The following DIAPH3 variants were observed in gnomAD, a reference collection of about 807,000 sequenced individuals.
DIAPH3 encodes protein diaphanous homolog 3.
In DIAPH3, 117 loss-of-function variants were observed where a neutral mutation model predicts 144.3. That is an observed-to-expected ratio of 0.81 (90% CI 0.70 to 0.95). The LOEUF is 0.95. Among genes scored for constraint, DIAPH3 ranks in the 40% least tolerant of loss-of-function variants. The pLI is 0.00. For missense variants in DIAPH3, 1,421 were observed against 1,412.7 expected, an observed-to-expected ratio of 1.01 and a Z score of -0.09; for synonymous variants, 519 against 488.9, an observed-to-expected ratio of 1.06 and a Z score of -0.81.
chr13:59,912,459 T>G (rs2047041512), intron 19 of DIAPH3, among the ~76,000 whole-genome samples: 1 of 152,176 alleles, frequency 6.6e-6, no homozygotes, highest in East Asian at 1.9e-4. Context: ...ATAAAAGGCA[T>G]GTAGAGGTCC....
intron 4 of DIAPH3, among the ~76,000 whole-genome samples, chr13:60,058,619 C>T (rs2056645717): frequency 6.6e-6 from 1 of 151,928 alleles, no homozygotes; most frequent in South Asian, 2.1e-4. Context: ...AACCTAACTG[C>T]CCACCAACTG....
chr13:60,062,982 C>G (rs2056827920), intron 4 of DIAPH3, among the ~76,000 whole-genome samples: 1 of 152,156 alleles, frequency 6.6e-6, no homozygotes, highest in Non-Finnish European at 1.5e-5. Flanking sequence ...TTCTTAAAAT[C>G]AGACAACAAT....
intron 4 of DIAPH3, among the ~76,000 whole-genome samples, chr13:60,045,796 T>A (rs2056030382): frequency 6.6e-6 from 1 of 152,200 alleles, no homozygotes; most frequent in Non-Finnish European, 1.5e-5. Context: ...GATTTTTTTC[T>A]TCAACAATAA....
At chr13:60,082,201 A>G (rs1467963869) in intron 4 of DIAPH3, among the ~76,000 whole-genome samples, 1 of 152,016 alleles carries the variant, frequency 6.6e-6, no homozygotes, top group Non-Finnish European at 1.5e-5. Context: ...AAGGAACACA[A>G]GAATAAACAT....
At chr13:59,994,661 C>T (rs1006717718) in intron 9 of DIAPH3, among the ~76,000 whole-genome samples, 2 of 151,636 alleles carry the variant, frequency 1.3e-5, no homozygotes, top group African/African-American at 4.8e-5. Flanking sequence ...AATAAAATGG[C>T]CTGATGAAGA....
chr13:60,114,742 G>A (rs2058660569), intron 2 of DIAPH3, among the ~76,000 whole-genome samples: 1 of 151,048 alleles, frequency 6.6e-6, no homozygotes, highest in South Asian at 2.1e-4. Flanking sequence ...AAAATAAACA[G>A]CAAACCATAA....
intron 4 of DIAPH3, among the ~76,000 whole-genome samples, chr13:60,078,855 A>G (rs983091483): frequency 2.6e-5 from 4 of 152,010 alleles, no homozygotes; most frequent in African/African-American, 4.8e-5. Flanking sequence ...AAATTTTTGG[A>G]TACTACTAGA....
intron 25 of DIAPH3, among the ~76,000 whole-genome samples, chr13:59,780,838 A>G (rs147761166): frequency 6.6e-6 from 1 of 152,328 alleles, no homozygotes; most frequent in East Asian, 1.9e-4. Flanking sequence ...TGTTAATGGA[A>G]GGTGCTAGCA....
rs562372254 is a variant in DIAPH3 at position 59,929,460 on chromosome 13, A to G, written c.2075-4590T>C. On this transcript the variant is annotated intron_variant, in intron 17 of 27. Transcript: ENST00000400324. ...TACATTATTCTCTGTGCTACTGTTA[A>G]CACTGCTATCACCCTGTCTTAAGTA... Among the ~76,000 whole-genome samples the G allele has an allele frequency of 8.8e-5, 9 of 102,450 alleles. No individual in the cohort carries two copies. The South Asian group carries it at 2.7e-3, about 31-fold the overall frequency. 67.2% of individuals were successfully genotyped at this position (102,450 alleles called of 152,430 possible). A position where few individuals can be genotyped will look rare whatever the true frequency, so the allele number is the denominator to read the frequency against.
intron 17 of DIAPH3, among the ~76,000 whole-genome samples, chr13:59,968,548 G>A (rs1022275416): frequency 6.6e-6 from 1 of 152,132 alleles, no homozygotes; most frequent in African/African-American, 2.4e-5. Context: ...TGAGCTTGCT[G>A]AGAAAATTCT....
chr13:59,976,654 T>C (rs1446181855), intron 14 of DIAPH3, among the ~76,000 whole-genome samples: 1 of 151,760 alleles, frequency 6.6e-6, no homozygotes, highest in African/African-American at 2.4e-5. Context: ...TATGGGTTTC[T>C]ACAAAATCCA....
At chr13:59,842,037 T>C (rs1464691101) in intron 22 of DIAPH3, among the ~76,000 whole-genome samples, 2 of 152,094 alleles carry the variant, frequency 1.3e-5, no homozygotes, top group African/African-American at 4.8e-5. Context: ...ATAACCCCTG[T>C]CAGTAACATT....
At chr13:60,120,896 G>C (rs1383280821) in intron 2 of DIAPH3, among the ~76,000 whole-genome samples, 1 of 152,158 alleles carries the variant, frequency 6.6e-6, no homozygotes, top group Non-Finnish European at 1.5e-5. Context: ...GAAATATCAA[G>C]TGTTTATTAT....
chr13:59,915,201 T>TA (rs2047169451), intron 19 of DIAPH3, among the ~76,000 whole-genome samples: 1 of 151,702 alleles, frequency 6.6e-6, no homozygotes, highest in African/African-American at 2.4e-5. Flanking sequence ...GAAAATCCAG[T>TA]AAAAAACAAA....
At chr13:60,016,357 G>T (rs1281370317) in intron 5 of DIAPH3, among the ~76,000 whole-genome samples, 1 of 152,168 alleles carries the variant, frequency 6.6e-6, no homozygotes, top group Non-Finnish European at 1.5e-5. Flanking sequence ...CGCTTGCACA[G>T]GCTTGTAAGA....
chr13:60,159,403 A>G (rs1223914016), intron 1 of DIAPH3, among the ~76,000 whole-genome samples: 1 of 152,040 alleles, frequency 6.6e-6, no homozygotes, highest in Non-Finnish European at 1.5e-5. Context: ...AAGCGGGTGG[A>G]TCACTTGAGG....
chr13:59,873,677 CTTTTT>C (rs57461813), intron 21 of DIAPH3, among the ~76,000 whole-genome samples: 107 of 128,914 alleles, frequency 8.3e-4, no homozygotes, highest in Admixed American at 7.2e-3. Context: ...ACCACTTTTT[CTTTTT>C]TTTTTTTTTT....
chr13:59,832,325 C>G (rs948169401), intron 24 of DIAPH3, among the ~76,000 whole-genome samples: 1 of 151,782 alleles, frequency 6.6e-6, no homozygotes, highest in Non-Finnish European at 1.5e-5. Context: ...CCAACAACCT[C>G]AGCAATAAAG....
At chr13:59,978,736 AT>A (rs1484495494) in intron 14 of DIAPH3, among the ~76,000 whole-genome samples, 2 of 151,726 alleles carry the variant, frequency 1.3e-5, no homozygotes, top group African/African-American at 2.4e-5. Flanking sequence ...AGCACACCTT[AT>A]AAAAACTGAT....
Sources: allele counts gnomAD v4.1 joint callset (sites outside exome capture counted in the v4.1 genomes callset), GRCh38; gene constraint gnomAD v4.1.1; transcripts MANE v1.5; gene names NCBI Gene and HGNC (gene_info 2026-07-23, HGNC 2026-07-21).